Variants in RBM18 observed in about 807,000 individuals in gnomAD.
The protein encoded by RBM18 is probable RNA-binding protein 18.
Under a neutral mutation model 26.4 loss-of-function variants are expected in RBM18, and 18 were observed. That is an observed-to-expected ratio of 0.68 (90% CI 0.47 to 1.01). The LOEUF is 1.01. RBM18 is among the 50% of genes least tolerant of loss of function. The pLI, the probability that RBM18 is intolerant of heterozygous loss-of-function variation, is 0.00. For missense variants in RBM18, 180 were observed against 219.2 expected (o/e 0.82, Z 1.13); for synonymous variants, 74 against 81.1 (o/e 0.91, Z 0.47).
At chr9:122,247,033 G>A (rs144574303) in intron 4 of RBM18, among the ~76,000 whole-genome samples, 10 of 152,118 alleles carry the variant, frequency 6.6e-5, no homozygotes, top group African/African-American at 1.9e-4. Context: ...AAAGTCCCAC[G>A]AACCCACACC....
chr9:122,264,686 G>A (rs927249097), intron 1 of RBM18, 29 bp downstream of exon 1: 2 of 152,374 alleles, frequency 1.3e-5, no homozygotes, highest in African/African-American at 4.8e-5. Context: ...CATCGCTGAG[G>A]TGCAGGGACA....
At chr9:122,263,357 T>C (rs1831864838) in intron 1 of RBM18, among the ~76,000 whole-genome samples, 1 of 152,272 alleles carries the variant, frequency 6.6e-6, no homozygotes, top group African/African-American at 2.4e-5. Context: ...GCTCTTGTTC[T>C]TACCTCCTGG....
At chr9:122,255,069 G>A (rs1006458855) in intron 2 of RBM18, among the ~76,000 whole-genome samples, 2 of 152,202 alleles carry the variant, frequency 1.3e-5, no homozygotes, top group Non-Finnish European at 2.9e-5. Flanking sequence ...CGTAGGCTGA[G>A]GGAATTTTAA....
chr9:122,249,845 C>A (rs1831569290), intron 3 of RBM18, among the ~76,000 whole-genome samples: 1 of 151,892 alleles, frequency 6.6e-6, no homozygotes, highest in Non-Finnish European at 1.5e-5. Flanking sequence ...CAGAGAAGGG[C>A]AGTTGGCTTG....
chr9:122,258,161 T>A (rs887947911), intron 2 of RBM18, among the ~76,000 whole-genome samples: 1 of 152,226 alleles, frequency 6.6e-6, no homozygotes, highest in African/African-American at 2.4e-5. Context: ...TTCTACAAGA[T>A]AAGATTTACT....
rs571897942 is a variant in RBM18, at chr9:122,243,041, A to G, written c.414-998T>C. On this transcript the variant is annotated intron_variant, in intron 5 of 5. Coordinates refer to ENST00000417201, the MANE Select transcript of RBM18 (RefSeq NM_033117.4). Reference sequence around the variant, plus strand: ...GACAGGGTTTCACCATTTTGGCCAGAATGGTCTCAATCTCTTGACCTCGTG... The same window carrying G: ...GACAGGGTTTCACCATTTTGGCCAGGATGGTCTCAATCTCTTGACCTCGTG... Among the ~76,000 whole-genome samples, 43 of 152,130 alleles carry G rather than the reference A, an allele frequency of 2.8e-4. 1 individual carries two copies. Among genetic ancestry groups the G allele is most frequent in the African/African-American group, 1.0e-3 (43 of 41,510 alleles).
chr9:122,255,997 C>A (rs1158475114), intron 2 of RBM18, among the ~76,000 whole-genome samples: 2 of 151,948 alleles, frequency 1.3e-5, no homozygotes, highest in African/African-American at 4.8e-5. Context: ...AGCCACTGCA[C>A]CCCAGCCTGG....
In RBM18 at chr9:122,263,909, T is replaced by C. The variant is rs538449527; in HGVS notation, c.-17+806A>G. 6.6e-5 allele frequency among the ~76,000 whole-genome samples: 10 copies of C among 152,382 alleles called. No homozygotes were observed. The South Asian group carries it at 2.1e-3, about 32-fold the overall frequency. ...CCTTTAGCAAGTCACATGACCTTTC[T>C]TTAAGCATCCTCTCGATAGAAAAGC... On this transcript the variant is annotated intron_variant, in intron 1 of 5. Coordinates refer to ENST00000417201, the MANE Select transcript of RBM18 (RefSeq NM_033117.4).
intron 3 of RBM18, among the ~76,000 whole-genome samples, chr9:122,248,138 T>C (rs1276348011): frequency 6.6e-6 from 1 of 152,210 alleles, no homozygotes; most frequent in Admixed American, 6.5e-5. Flanking sequence ...GTCTGCCATT[T>C]GCTGGCAGTA....
chr9:122,242,287 A>C (rs1831434088), intron 5 of RBM18, among the ~76,000 whole-genome samples: 1 of 152,256 alleles, frequency 6.6e-6, no homozygotes, highest in African/African-American at 2.4e-5. Context: ...TACTTCATAT[A>C]GTTCTACATT....
intron 3 of RBM18, among the ~76,000 whole-genome samples, chr9:122,250,212 T>C (rs1022846555): frequency 1.3e-5 from 2 of 152,174 alleles, no homozygotes; most frequent in Non-Finnish European, 2.9e-5. Context: ...TACCCAGCAC[T>C]GGCAAGGAGA....
In RBM18 at chr9:122,250,068, T is replaced by TAAAAAAA. The variant is rs59558933; in HGVS notation, c.240+1772_240+1778dup. On this transcript the variant is annotated intron_variant, in intron 3 of 5. Transcript: ENST00000417201. ...CTGGGTAACAGAGCAAGACCTTATT[T>TAAAAAAA]AAAAAAAAAAAAGAATGCTAATTCT... 3.6e-4 allele frequency among the ~76,000 whole-genome samples: 39 copies of TAAAAAAA among 107,158 alleles called. 15 individuals carry two copies. Among genetic ancestry groups the TAAAAAAA allele is most frequent in the South Asian group, 1.4e-3 (4 of 2,788 alleles). 70.3% of individuals were successfully genotyped at this position (107,158 alleles called of 152,430 possible). A position where few individuals can be genotyped will look rare whatever the true frequency, so the allele number is the denominator to read the frequency against.
At chr9:122,254,208 C>G (rs1228167581) in intron 2 of RBM18, 1 of 240,948 alleles carries the variant, frequency 4.2e-6, no homozygotes, top group Non-Finnish European at 6.7e-6. Flanking sequence ...AAAAAAAAAA[C>G]ACACACACCA....
intron 2 of RBM18, among the ~76,000 whole-genome samples, chr9:122,252,840 A>G (rs1174623322): frequency 6.6e-6 from 1 of 152,184 alleles, no homozygotes; most frequent in Non-Finnish European, 1.5e-5. Context: ...CCTCTATTAA[A>G]TTTCTTACTC....
In RBM18 at chr9:122,239,505, T is replaced by C. The variant is rs1232480087; in HGVS notation, c.*2379A>G. On this transcript the variant is annotated 3_prime_UTR_variant, in exon 6 of 6. Coordinates refer to ENST00000417201, the MANE Select transcript of RBM18 (RefSeq NM_033117.4). ...CAGTATTTCCTTCAATTCTTCACTC[T>C]TGTATATAAATCAAAATTATAAGTG... 1 of 152,250 alleles carries C rather than the reference T, an allele frequency of 6.6e-6. No individual in the cohort carries two copies. The highest frequency in any genetic ancestry group is 1.5e-5 in the Non-Finnish European group (1 of 68,054). The allele number at this position is 152,250 out of a possible 1,614,324, so 9.4% of individuals were successfully genotyped here.
rs983130107 is a variant in RBM18 at position 122,241,679 on chromosome 9, C to A, written c.*205G>T. On this transcript the variant is annotated 3_prime_UTR_variant, in exon 6 of 6. Coordinates refer to ENST00000417201, the MANE Select transcript of RBM18 (RefSeq NM_033117.4). Reference sequence around the variant, plus strand: ...GTTCAAATCACAATTTGGGATACAACGCTATTTATTCTGGATGATGCTCAA... The same window carrying A: ...GTTCAAATCACAATTTGGGATACAAAGCTATTTATTCTGGATGATGCTCAA... 6.5e-6 allele frequency: 3 copies of A among 465,106 alleles called. No individual in the cohort carries two copies. The highest frequency in any genetic ancestry group is 6.0e-5 in the African/African-American group (3 of 50,030). The allele number at this position is 465,106 out of a possible 1,614,324, so 28.8% of individuals were successfully genotyped here.
At chr9:122,249,358 C>T (rs1199978555) in intron 3 of RBM18, among the ~76,000 whole-genome samples, 2 of 152,102 alleles carry the variant, frequency 1.3e-5, no homozygotes, top group East Asian at 1.9e-4. Flanking sequence ...GCTTTGTATC[C>T]TAACCCAGTG....
At chr9:122,251,510 AAAG>A (rs1405424888) in intron 3 of RBM18, among the ~76,000 whole-genome samples, 2 of 152,218 alleles carry the variant, frequency 1.3e-5, no homozygotes, top group Admixed American at 6.5e-5. Context: ...TACTGAAAGA[AAAG>A]AAGGCTTTGT....
intron 5 of RBM18, among the ~76,000 whole-genome samples, chr9:122,242,826 T>C (rs10760215): frequency 0.33 from 49,423 of 151,686 alleles, 9,236 homozygotes; most frequent in South Asian, 0.47. Flanking sequence ...TCCATCTGAA[T>C]TTGTTTTTGT....
Sources: allele counts gnomAD v4.1 joint callset (sites outside exome capture counted in the v4.1 genomes callset), GRCh38; gene constraint gnomAD v4.1.1; transcripts MANE v1.5; gene names NCBI Gene and HGNC (gene_info 2026-07-23, HGNC 2026-07-21).